Variants in GRID2 observed in about 807,000 individuals in gnomAD.
GRID2 encodes the protein glutamate ionotropic receptor delta type subunit 2, also known as glutamate receptor ionotropic, delta-2.
Under a neutral mutation model 114.8 loss-of-function variants are expected in GRID2, and 33 were observed. The ratio of observed to expected loss-of-function variants is 0.29; its 90% CI spans 0.22 to 0.38. The LOEUF (loss-of-function observed/expected upper bound fraction) is 0.38. Ranked by LOEUF, GRID2 falls within the 10% of genes least tolerant of loss-of-function variation. The pLI is 1.00. For synonymous variants in GRID2, 505 were observed against 449.9 expected (o/e 1.12, Z -1.55); for missense variants, 1,184 against 1,257.7 (o/e 0.94, Z 0.89).
At chr4:93,576,830 G>C (rs995756184) in intron 13 of GRID2, among the ~76,000 whole-genome samples, 6 of 152,072 alleles carry the variant, frequency 3.9e-5, no homozygotes, top group South Asian at 2.1e-4. Flanking sequence ...GTATATTCAG[G>C]TGATTCATAT....
At position 93,769,435 on chromosome 4, in the gene GRID2, G is replaced by A. The variant is rs770573474; in HGVS notation, c.2586G>A (p.Arg862=). Residue 862 remains arginine (R), a synonymous_variant, in exon 15 of 16, where the codon CGG becomes CGA. Coordinates refer to ENST00000282020, the MANE Select transcript of GRID2 (RefSeq NM_001510.4). The part of the protein sequence containing the change: ...ETWWNKRKGS[R]VPSKEDDKEI... Reference sequence around the variant, plus strand: ...GGTGGAACAAGAGGAAAGGCTCCCGGGTTCCATCAAAAGAGGTACTTGATT... The same window carrying A: ...GGTGGAACAAGAGGAAAGGCTCCCGAGTTCCATCAAAAGAGGTACTTGATT... 5.0e-6 allele frequency: 8 copies of A among 1,613,712 alleles called. 1 individual carries two copies. In the Admixed American group the frequency reaches 6.7e-5, roughly 13 times the overall value.
At chr4:92,905,097 T>C (rs995736355) in intron 2 of GRID2, among the ~76,000 whole-genome samples, 1 of 151,970 alleles carries the variant, frequency 6.6e-6, no homozygotes, top group African/African-American at 2.4e-5. Context: ...ATATAGAGAT[T>C]TTACTAATTT....
chr4:93,747,044 T>C (rs918439803), intron 14 of GRID2, among the ~76,000 whole-genome samples: 5 of 152,026 alleles, frequency 3.3e-5, no homozygotes, highest in Non-Finnish European at 7.4e-5. Flanking sequence ...GTTTTAGTGT[T>C]TCAAAAAAAA....
intron 2 of GRID2, among the ~76,000 whole-genome samples, chr4:93,056,089 G>A (rs946298060): frequency 1.3e-5 from 2 of 151,876 alleles, no homozygotes; most frequent in Admixed American, 6.6e-5. Context: ...TTATCTCTTA[G>A]AGCAGTTTGG....
At chr4:93,698,222 T>C (rs1269241650) in intron 14 of GRID2, among the ~76,000 whole-genome samples, 1 of 152,036 alleles carries the variant, frequency 6.6e-6, no homozygotes, top group African/African-American at 2.4e-5. Flanking sequence ...GTGTCTGTTT[T>C]ATTCTGTTAA....
intron 7 of GRID2, 138 bp downstream of exon 7, chr4:93,224,913 A>T (rs1377807913): frequency 3.2e-6 from 2 of 618,714 alleles, no homozygotes; most frequent in Non-Finnish European, 5.4e-6. Context: ...ATTGAAAAAG[A>T]AAAAAGGTGA....
intron 8 of GRID2, among the ~76,000 whole-genome samples, chr4:93,251,491 G>A (rs1748925693): frequency 6.6e-6 from 1 of 152,062 alleles, no homozygotes; most frequent in Non-Finnish European, 1.5e-5. Flanking sequence ...AACCATATTT[G>A]TAAATATTCC....
At chr4:92,507,241 A>G (rs1048498929) in intron 1 of GRID2, among the ~76,000 whole-genome samples, 2 of 151,954 alleles carry the variant, frequency 1.3e-5, no homozygotes, top group Non-Finnish European at 2.9e-5. Context: ...AGAGTGTCAT[A>G]TATTTCCTGC....
intron 14 of GRID2, among the ~76,000 whole-genome samples, chr4:93,679,592 T>A (rs1035989663): frequency 8.6e-5 from 13 of 151,046 alleles, no homozygotes; most frequent in East Asian, 3.9e-4. Flanking sequence ...CAGACCACAG[T>A]GCAATCAAAC....
chr4:93,496,784 T>G, intron 12 of GRID2, among the ~76,000 whole-genome samples: 1 of 151,886 alleles, frequency 6.6e-6, no homozygotes, highest in East Asian at 1.9e-4. Context: ...ACTTACTGAA[T>G]GACATTTTTA....
chr4:92,860,837 A>G (rs1055418500), intron 2 of GRID2, among the ~76,000 whole-genome samples: 1 of 152,060 alleles, frequency 6.6e-6, no homozygotes, highest in Non-Finnish European at 1.5e-5. Flanking sequence ...ACCAGTGTGA[A>G]AGCATAAGAA....
At chr4:92,635,266 A>C (rs149065325) in intron 2 of GRID2, among the ~76,000 whole-genome samples, 1 of 152,042 alleles carries the variant, frequency 6.6e-6, no homozygotes, top group Non-Finnish European at 1.5e-5. Context: ...TTAAATTGTG[A>C]TGGCTAAAGG....
rs573626637 is a variant in GRID2, at chr4:93,681,151, G to C, written c.2360+54716G>C. 1.7e-3 allele frequency among the ~76,000 whole-genome samples: 257 copies of C among 147,264 alleles called. 3 individuals carry two copies. Among genetic ancestry groups the C allele is most frequent in the Middle Eastern group, 6.8e-3 (2 of 292 alleles). The stretch of plus-strand genomic sequence containing the variant: ...TACACCAATAACAGACAAACAGAGC[G>C]AAATCATGAGTGAACTCCCATTCAC... On this transcript the variant is annotated intron_variant, in intron 14 of 15. Transcript: ENST00000282020.
At chr4:93,451,838 A>T (rs537100524) in intron 10 of GRID2, among the ~76,000 whole-genome samples, 1 of 152,244 alleles carries the variant, frequency 6.6e-6, no homozygotes, top group African/African-American at 2.4e-5. Flanking sequence ...AAGTTTTATG[A>T]CTTATATAAA....
chr4:92,699,628 T>A (rs1734576502), intron 2 of GRID2, among the ~76,000 whole-genome samples: 1 of 152,284 alleles, frequency 6.6e-6, no homozygotes, highest in Non-Finnish European at 1.5e-5. Flanking sequence ...TTCGTTGCTG[T>A]TGTATAGCTG....
chr4:92,661,355 T>A (rs1732508948), intron 2 of GRID2, among the ~76,000 whole-genome samples: 3 of 150,856 alleles, frequency 2.0e-5, no homozygotes, highest in Non-Finnish European at 3.0e-5. Flanking sequence ...TTTCCTAAAT[T>A]TAAAAATCCT....
chr4:93,396,478 T>C (rs1319593960), intron 9 of GRID2, among the ~76,000 whole-genome samples: 1 of 151,882 alleles, frequency 6.6e-6, no homozygotes, highest in African/African-American at 2.4e-5. Flanking sequence ...ATGAGTCACA[T>C]CCAGGGCATG....
At chr4:92,734,259 CTA>C (rs1374750790) in intron 2 of GRID2, among the ~76,000 whole-genome samples, 4 of 151,846 alleles carry the variant, frequency 2.6e-5, no homozygotes, top group African/African-American at 7.2e-5. Context: ...GTGCATCACT[CTA>C]TTTTTTTCTT....
intron 2 of GRID2, among the ~76,000 whole-genome samples, chr4:92,884,153 A>G (rs1321498247): frequency 6.6e-6 from 1 of 152,152 alleles, no homozygotes; most frequent in Admixed American, 6.5e-5. Flanking sequence ...GCTTCACTTT[A>G]TACTTTTGTG....
Sources: gnomAD v4.1 joint callset for allele counts (sites outside exome capture counted in the v4.1 genomes callset) on GRCh38, gnomAD v4.1.1 for gene constraint, MANE v1.5 for transcripts, NCBI Gene and HGNC (gene_info 2026-07-23, HGNC 2026-07-21) for gene names.